KCNH1: variants seen among roughly 807,000 people sequenced by gnomAD.
KCNH1 encodes voltage-gated delayed rectifier potassium channel KCNH1.
Under a neutral mutation model 69.2 loss-of-function variants are expected in KCNH1, and 27 were observed. The observed-to-expected ratio is 0.39, with a 90% CI of 0.29 to 0.54. The LOEUF (loss-of-function observed/expected upper bound fraction) is 0.54, where lower values mean the gene tolerates loss of function less well. Among genes scored for constraint, KCNH1 ranks in the 20% least tolerant of loss-of-function variants. The pLI, the probability that KCNH1 is intolerant of heterozygous loss-of-function variation, is 0.68. For missense variants in KCNH1, 798 were observed against 1,261.6 expected (o/e 0.63, Z 5.57); for synonymous variants, 456 against 487.7 (o/e 0.93, Z 0.86).
At chr1:211,069,707 GA>G (rs1308416711) in intron 5 of KCNH1, among the ~76,000 whole-genome samples, 3 of 151,566 alleles carry the variant, frequency 2.0e-5, no homozygotes, top group Non-Finnish European at 2.9e-5. Flanking sequence ...AAAAAGACCG[GA>G]AAAAAAATTT....
intron 7 of KCNH1, among the ~76,000 whole-genome samples, chr1:210,837,007 G>A (rs1235020872): frequency 1.3e-5 from 2 of 152,062 alleles, no homozygotes; most frequent in Non-Finnish European, 2.9e-5. Flanking sequence ...CCAACCAAAC[G>A]CAGAAGTCAG....
chr1:211,018,736 T>A (rs774611331), intron 6 of KCNH1, 47 bp downstream of exon 6: 1 of 1,442,148 alleles, frequency 6.9e-7, no homozygotes, highest in South Asian at 1.3e-5. Flanking sequence ...CACATTTAAC[T>A]CAGTTTTAAA....
chr1:210,932,390 T>C (rs1687694906), intron 6 of KCNH1, among the ~76,000 whole-genome samples: 1 of 151,900 alleles, frequency 6.6e-6, no homozygotes, highest in Admixed American at 6.6e-5. Flanking sequence ...AAAAAGAAAT[T>C]AAACCTTGTC....
At chr1:210,967,999 C>T (rs1192146328) in intron 6 of KCNH1, among the ~76,000 whole-genome samples, 12 of 151,984 alleles carry the variant, frequency 7.9e-5, no homozygotes, top group East Asian at 1.9e-4. Flanking sequence ...ATATATCTCC[C>T]GATGCTATCC....
intron 6 of KCNH1, among the ~76,000 whole-genome samples, chr1:210,945,235 T>C (rs1687937243): frequency 6.6e-6 from 1 of 152,246 alleles, no homozygotes; most frequent in Non-Finnish European, 1.5e-5. Context: ...CACAAATATC[T>C]ATTTGAGGTC....
intron 10 of KCNH1, among the ~76,000 whole-genome samples, chr1:210,761,690 C>T (rs749573988): frequency 6.6e-6 from 1 of 152,102 alleles, no homozygotes; most frequent in Non-Finnish European, 1.5e-5. Context: ...TCAACAAGAA[C>T]ACTTAACTAT....
intron 10 of KCNH1, among the ~76,000 whole-genome samples, chr1:210,709,214 A>C (rs892835812): frequency 6.6e-6 from 1 of 152,126 alleles, no homozygotes; most frequent in Non-Finnish European, 1.5e-5. Context: ...GTACCACTGC[A>C]CTCCAGCCTG....
chr1:211,093,454 T>C (rs1422718629), intron 3 of KCNH1, among the ~76,000 whole-genome samples: 1 of 152,076 alleles, frequency 6.6e-6, no homozygotes, highest in Non-Finnish European at 1.5e-5. Flanking sequence ...CCTGGCTAAT[T>C]TTTGTATTTT....
At chr1:210,727,291 T>A (rs940524308) in intron 10 of KCNH1, among the ~76,000 whole-genome samples, 1 of 152,190 alleles carries the variant, frequency 6.6e-6, no homozygotes. Context: ...ATGGTAAGTA[T>A]TTGACAGTTC....
chr1:210,729,731 A>C (rs1424478075), intron 10 of KCNH1, among the ~76,000 whole-genome samples: 3 of 152,136 alleles, frequency 2.0e-5, no homozygotes, highest in Non-Finnish European at 2.9e-5. Context: ...GTCAGAGAAA[A>C]ATCCTAGGAA....
At chr1:210,956,704 G>A (rs1201302008) in intron 6 of KCNH1, among the ~76,000 whole-genome samples, 1 of 152,014 alleles carries the variant, frequency 6.6e-6, no homozygotes, top group Non-Finnish European at 1.5e-5. Flanking sequence ...TTTGCATAGA[G>A]GTGTTTATAG....
intron 10 of KCNH1, among the ~76,000 whole-genome samples, chr1:210,774,358 G>A (rs867038752): frequency 3.9e-5 from 6 of 152,072 alleles, no homozygotes; most frequent in African/African-American, 9.7e-5. Context: ...GGGGCCTTGA[G>A]GATGAAGGCA....
At chr1:211,018,644 G>A in intron 6 of KCNH1, 139 bp downstream of exon 6, 5 of 714,256 alleles carry the variant, frequency 7.0e-6, no homozygotes, top group Non-Finnish European at 1.2e-5. Context: ...GCAGGCAAGG[G>A]TATCTATCAA....
At chr1:210,760,829 CTATGATTCAATTATTGAA>C (rs1197787784) in intron 10 of KCNH1, among the ~76,000 whole-genome samples, 1 of 152,154 alleles carries the variant, frequency 6.6e-6, no homozygotes, top group Non-Finnish European at 1.5e-5. Context: ...AGACCTGCCC[CTATGATTCAATTATTGAA>C]TATGATTCAA....
chr1:210,781,635 A>C (rs1777254), intron 9 of KCNH1, among the ~76,000 whole-genome samples: 1 of 151,974 alleles, frequency 6.6e-6, no homozygotes, highest in African/African-American at 2.4e-5. Context: ...GAACTAGATC[A>C]TTCAGGGGGA....
chr1:211,057,498 G>T (rs1346310237), intron 5 of KCNH1, among the ~76,000 whole-genome samples: 1 of 152,024 alleles, frequency 6.6e-6, no homozygotes, highest in Non-Finnish European at 1.5e-5. Flanking sequence ...AATTAGCTGG[G>T]TATTATGGCG....
intron 9 of KCNH1, among the ~76,000 whole-genome samples, chr1:210,790,776 C>T (rs974774412): frequency 1.4e-4 from 22 of 152,154 alleles, no homozygotes; most frequent in African/African-American, 3.4e-4. Flanking sequence ...CTGGTCTCTC[C>T]GTTCAATCCA....
intron 6 of KCNH1, among the ~76,000 whole-genome samples, chr1:210,962,915 G>C (rs539206123): frequency 6.7e-6 from 1 of 150,064 alleles, no homozygotes; most frequent in Non-Finnish European, 1.5e-5. Context: ...TTACATATGA[G>C]GTAAAGTATC....
intron 6 of KCNH1, among the ~76,000 whole-genome samples, chr1:210,954,804 C>G (rs1461916009): frequency 6.6e-6 from 1 of 152,102 alleles, no homozygotes; most frequent in African/African-American, 2.4e-5. Flanking sequence ...GATATTAGCC[C>G]TTTGTCAGAT....
Sources: allele counts gnomAD v4.1 joint callset (sites outside exome capture counted in the v4.1 genomes callset), GRCh38; gene constraint gnomAD v4.1.1; transcripts MANE v1.5; gene names NCBI Gene and HGNC (gene_info 2026-07-23, HGNC 2026-07-21).